Variants in SGCG observed in about 807,000 individuals in gnomAD.
SGCG encodes the protein sarcoglycan gamma.
In SGCG, 26 loss-of-function variants were observed where a neutral mutation model predicts 29.3. The observed-to-expected ratio is 0.89, with a 90% CI of 0.65 to 1.23. SGCG has a LOEUF of 1.23. Among genes scored for constraint, SGCG ranks in the 50% most tolerant of loss-of-function variants. The pLI is 0.00. For missense variants in SGCG, 353 were observed against 356.0 expected (o/e 0.99, Z 0.07); for synonymous variants, 145 against 129.7 (o/e 1.12, Z -0.80).
At chr13:23,227,325 A>AC (rs1878939310) in intron 2 of SGCG, among the ~76,000 whole-genome samples, 1 of 147,624 alleles carries the variant, frequency 6.8e-6, no homozygotes, top group Non-Finnish European at 1.5e-5. Context: ...GAAAAAAAAA[A>AC]AAAACAAAAA....
intron 2 of SGCG, chr13:23,217,440 C>T (rs1412571360): frequency 3.9e-5 from 6 of 152,012 alleles, no homozygotes; most frequent in African/African-American, 1.2e-4. Flanking sequence ...TTTAAAAACA[C>T]GAATTCTTCA....
intron 2 of SGCG, among the ~76,000 whole-genome samples, chr13:23,223,234 T>C (rs1366918620): frequency 5.0e-5 from 4 of 79,370 alleles, no homozygotes; most frequent in East Asian, 9.9e-4. Context: ...GCTGAGATCA[T>C]GCCACTGACT....
chr13:23,211,399 A>G (rs1878205333), intron 2 of SGCG, among the ~76,000 whole-genome samples: 1 of 151,694 alleles, frequency 6.6e-6, no homozygotes, highest in African/African-American at 2.4e-5. Context: ...AAGTAATCTC[A>G]TGTTGATTTT....
intron 4 of SGCG, chr13:23,267,644 A>T (rs1216147112): frequency 6.6e-6 from 1 of 152,378 alleles, no homozygotes; most frequent in African/African-American, 2.4e-5. Flanking sequence ...ATACAAGAAC[A>T]ATAAAGTGAA....
At chr13:23,192,319 T>C (rs1237333841) in intron 1 of SGCG, among the ~76,000 whole-genome samples, 1 of 152,168 alleles carries the variant, frequency 6.6e-6, no homozygotes, top group Non-Finnish European at 1.5e-5. Flanking sequence ...TTCCCAGCTG[T>C]TCATGGAGTT....
chr13:23,171,953 TA>T, the SGCG span, among the ~76,000 whole-genome samples: 1 of 152,200 alleles, frequency 6.6e-6, no homozygotes, highest in Non-Finnish European at 1.5e-5. Flanking sequence ...CTGAGGATGC[TA>T]TTCAAAATCA....
At chr13:23,272,128 C>T (rs1339995729) in intron 4 of SGCG, among the ~76,000 whole-genome samples, 1 of 152,208 alleles carries the variant, frequency 6.6e-6, no homozygotes, top group Non-Finnish European at 1.5e-5. Flanking sequence ...CTCAATCACA[C>T]ACCTCTAACT....
intron 3 of SGCG, chr13:23,245,752 C>T (rs1372900389): frequency 6.6e-6 from 1 of 152,202 alleles, no homozygotes; most frequent in Non-Finnish European, 1.5e-5. Context: ...TGAAAAAACT[C>T]TCCACCTTTA....
intron 1 of SGCG, among the ~76,000 whole-genome samples, chr13:23,195,231 A>T (rs993213669): frequency 1.3e-5 from 2 of 152,196 alleles, no homozygotes; most frequent in African/African-American, 4.8e-5. Context: ...TCTTTAGTCA[A>T]GTACTAACCT....
chr13:23,256,815 T>C lies in SGCG; in HGVS notation c.385+6098T>C, dbSNP rs1880199788. Among the ~76,000 whole-genome samples the C allele has an allele frequency of 3.3e-5, 5 of 152,370 alleles. No individual in the cohort carries two copies. The South Asian group carries it at 1.0e-3, about 32-fold the overall frequency. Reference sequence around the variant, plus strand: ...TGGGTTAGTTCCAAGTCTTTGCTATTGTGAACAGTGCCACAATAAACATAG... The same window carrying C: ...TGGGTTAGTTCCAAGTCTTTGCTATCGTGAACAGTGCCACAATAAACATAG... On this transcript the variant is annotated intron_variant, in intron 4 of 7. Transcript: ENST00000218867.
chr13:23,300,029 T>C (rs866212559), intron 6 of SGCG, among the ~76,000 whole-genome samples: 2 of 152,230 alleles, frequency 1.3e-5, no homozygotes, highest in Admixed American at 6.5e-5. Context: ...CATAGGCAAA[T>C]AAATATAAAA....
intron 6 of SGCG, among the ~76,000 whole-genome samples, chr13:23,299,445 TA>T (rs57947811): frequency 0.011 from 266 of 24,724 alleles, 28 homozygotes; most frequent in African/African-American, 0.022. Context: ...TATATATATA[TA>T]TATATATATA....
At chr13:23,270,071 T>C (rs1287051483) in intron 4 of SGCG, among the ~76,000 whole-genome samples, 4 of 152,100 alleles carry the variant, frequency 2.6e-5, no homozygotes, top group African/African-American at 9.7e-5. Context: ...AGACGGGGTT[T>C]CACCGTGTTA....
At chr13:23,218,448 A>G (rs1348576256) in intron 2 of SGCG, among the ~76,000 whole-genome samples, 2 of 152,162 alleles carry the variant, frequency 1.3e-5, no homozygotes, top group African/African-American at 2.4e-5. Context: ...CAATTTGTTC[A>G]CTTTTCTGAA....
intron 1 of SGCG, among the ~76,000 whole-genome samples, chr13:23,188,598 T>C (rs575955611): frequency 6.6e-6 from 1 of 150,692 alleles, no homozygotes; most frequent in African/African-American, 2.5e-5. Context: ...GGATTATAGG[T>C]GTGAGCCACC....
intron 2 of SGCG, among the ~76,000 whole-genome samples, chr13:23,232,965 T>C (rs1182784424): frequency 6.6e-6 from 1 of 152,198 alleles, no homozygotes; most frequent in Non-Finnish European, 1.5e-5. Context: ...TTGTGCACTG[T>C]TAGAATATAA....
At chr13:23,282,175 A>G (rs1008838246) in intron 5 of SGCG, among the ~76,000 whole-genome samples, 3 of 152,078 alleles carry the variant, frequency 2.0e-5, no homozygotes, top group Admixed American at 6.5e-5. Context: ...ACTCTTCTCA[A>G]TTTTCCAGTA....
At chr13:23,322,125 G>A (rs1401596030) in intron 7 of SGCG, among the ~76,000 whole-genome samples, 1 of 152,146 alleles carries the variant, frequency 6.6e-6, no homozygotes, top group Non-Finnish European at 1.5e-5. Flanking sequence ...ATAAGCCACT[G>A]CTGCAAGAAT....
chr13:23,231,649 G>C (rs568747758), intron 2 of SGCG, among the ~76,000 whole-genome samples: 2 of 152,040 alleles, frequency 1.3e-5, no homozygotes, highest in Non-Finnish European at 2.9e-5. Context: ...TTAAAAAGTG[G>C]CTTATTATGC....
Sources: allele counts gnomAD v4.1 joint callset (sites outside exome capture counted in the v4.1 genomes callset), GRCh38; gene constraint gnomAD v4.1.1; transcripts MANE v1.5; gene names NCBI Gene and HGNC (gene_info 2026-07-23, HGNC 2026-07-21).